The following AKR1C3 variants were observed in gnomAD, a reference collection of about 807,000 sequenced individuals.
The protein encoded by AKR1C3 is 3-alpha hydroxysteroid dehydrogenase, type II.
Under a neutral mutation model 43.6 loss-of-function variants are expected in AKR1C3, and 48 were observed. The observed-to-expected ratio is 1.10, with a 90% CI of 0.87 to 1.40. The LOEUF (loss-of-function observed/expected upper bound fraction) is 1.40. AKR1C3 is among the 40% of genes most tolerant of loss of function. The pLI is 0.00. For missense variants in AKR1C3, 482 were observed against 391.2 expected, an observed-to-expected ratio of 1.23 and a Z score of -1.96; for synonymous variants, 162 against 139.6, an observed-to-expected ratio of 1.16 and a Z score of -1.13.
At chr10:5,069,216 C>T (rs1450965747) in intron 1 of AKR1C3, among the ~76,000 whole-genome samples, 1 of 152,166 alleles carries the variant, frequency 6.6e-6, no homozygotes, top group Non-Finnish European at 1.5e-5. Context: ...TATTCTTTTG[C>T]AAGCATGTCT....
intron 1 of AKR1C3, among the ~76,000 whole-genome samples, chr10:5,073,287 ATTTTC>A (rs1341533794): frequency 6.6e-6 from 1 of 152,058 alleles, no homozygotes; most frequent in Non-Finnish European, 1.5e-5. Flanking sequence ...TAAGAAAATT[ATTTTC>A]TTTATTTTCT....
At chr10:5,058,394 T>C (rs576888859) in intron 1 of AKR1C3, among the ~76,000 whole-genome samples, 18 of 152,180 alleles carry the variant, frequency 1.2e-4, no homozygotes, top group East Asian at 1.9e-4. Flanking sequence ...AGAGAGAATA[T>C]TGGGGCCAAG....
At chr10:5,072,501 G>T (rs1937908) in intron 1 of AKR1C3, among the ~76,000 whole-genome samples, 2 of 152,020 alleles carry the variant, frequency 1.3e-5, no homozygotes, top group African/African-American at 4.8e-5. Flanking sequence ...ATGCATGTCA[G>T]TTTTTTGAAA....
intron 1 of AKR1C3, among the ~76,000 whole-genome samples, chr10:5,095,974 C>G (rs1226148605): frequency 1.3e-5 from 2 of 152,138 alleles, no homozygotes; most frequent in Non-Finnish European, 2.9e-5. Flanking sequence ...CTCTTGTAGA[C>G]AGCATTTCCC....
chr10:5,088,628 A>G (rs931331144), intron 1 of AKR1C3, among the ~76,000 whole-genome samples: 1 of 151,592 alleles, frequency 6.6e-6, no homozygotes, highest in Non-Finnish European at 1.5e-5. Context: ...TTTATCTAGT[A>G]TAAGAATGGC....
chr10:5,076,710 C>G (rs1358137950), intron 1 of AKR1C3, among the ~76,000 whole-genome samples: 3 of 152,074 alleles, frequency 2.0e-5, no homozygotes, highest in East Asian at 1.9e-4. Flanking sequence ...TTTCATGTGT[C>G]TCATTTTTAG....
At chr10:5,066,483 A>G (rs1325789984) in intron 1 of AKR1C3, among the ~76,000 whole-genome samples, 1 of 152,118 alleles carries the variant, frequency 6.6e-6, no homozygotes, top group Non-Finnish European at 1.5e-5. Context: ...AGCTCTTGTT[A>G]TTCCAGTCGA....
rs782804472 is a variant in AKR1C3, at chr10:5,102,659, C to A, written c.846+9C>A. 4.1e-6 allele frequency: 6 copies of A among 1,454,630 alleles called. No individual in the cohort carries two copies. The highest frequency in any genetic ancestry group is 1.5e-5 in the South Asian group (1 of 67,852). 90.1% of individuals were successfully genotyped at this position (1,454,630 alleles called of 1,614,324 possible). ...TCAGACAGAACGTGCAGGTGAGGAG[C>A]GGGGCTGTGGGCCTCAGGTCTCCTG... is the stretch of plus-strand genomic sequence containing the variant. On this transcript the variant is annotated intron_variant, in intron 7 of 8. Coordinates refer to ENST00000380554, the MANE Select transcript of AKR1C3 (RefSeq NM_003739.6).
At position 5,094,425 on chromosome 10, in the gene AKR1C3, A is replaced by G; in HGVS notation, c.-20A>G. 6.2e-7 allele frequency: 1 copy of G among 1,611,596 alleles called. No homozygotes were observed. The highest frequency in any genetic ancestry group is 8.5e-7 in the Non-Finnish European group (1 of 1,178,126). ...GGAGAAGCAGCAGCAAACATTTGCT[A>G]GTCAGACAAGTGACAGGGAATGGAT... On this transcript the variant is annotated 5_prime_UTR_variant, in exon 1 of 9. Coordinates refer to ENST00000380554, the MANE Select transcript of AKR1C3 (RefSeq NM_003739.6).
chr10:5,079,564 A>C (rs1473295892), intron 1 of AKR1C3, among the ~76,000 whole-genome samples: 2 of 151,806 alleles, frequency 1.3e-5, no homozygotes, highest in African/African-American at 4.8e-5. Context: ...TGAGATCCTA[A>C]TGCTTTAAAG....
chr10:5,092,927 G>T (rs1554784531), upstream of AKR1C3, among the ~76,000 whole-genome samples: 1 of 151,816 alleles, frequency 6.6e-6, no homozygotes, highest in Non-Finnish European at 1.5e-5. Flanking sequence ...ATATAGATTT[G>T]TTCTGTGTCA....
chr10:5,078,414 A>G (rs1838759985), intron 1 of AKR1C3, among the ~76,000 whole-genome samples: 6 of 152,256 alleles, frequency 3.9e-5, no homozygotes, highest in African/African-American at 1.4e-4. Context: ...ACTGCACTCC[A>G]GCCTGGTCAA....
rs183594903 is a variant in AKR1C3, at chr10:5,051,303, G to A, written c.84+2408G>A. Among the ~76,000 whole-genome samples the A allele has an allele frequency of 2.0e-5, 3 of 152,238 alleles. No individual in the cohort carries two copies. The East Asian group carries it at 5.8e-4, about 29-fold the overall frequency. ...GTAGAGACGGGGTTCCACCATGTTG[G>A]TCAGACTGGTCTCAAACTCCTGACC... is the stretch of plus-strand genomic sequence containing the variant. On this transcript the variant is annotated intron_variant, in intron 1 of 8. Coordinates refer to the AKR1C3 transcript ENST00000439082.
chr10:5,062,544 C>T (rs563405998), intron 1 of AKR1C3, among the ~76,000 whole-genome samples: 13 of 152,286 alleles, frequency 8.5e-5, no homozygotes, highest in African/African-American at 3.1e-4. Context: ...TAGCATGTCT[C>T]AAGCAAACCA....
chr10:5,081,183 G>A (rs998435935), intron 1 of AKR1C3, among the ~76,000 whole-genome samples: 2 of 152,084 alleles, frequency 1.3e-5, no homozygotes, highest in African/African-American at 2.4e-5. Context: ...TAGAAGTTAG[G>A]GCCTTGTAAT....
intron 1 of AKR1C3, among the ~76,000 whole-genome samples, chr10:5,069,156 T>C (rs782686803): frequency 9.8e-5 from 15 of 152,340 alleles, no homozygotes; most frequent in Admixed American, 5.9e-4. Context: ...TACCTTTCAT[T>C]TAACCAGTTT....
intron 8 of AKR1C3, 80 bp from the exon 9 acceptor site, chr10:5,107,381 G>C: frequency 2.0e-6 from 2 of 1,025,078 alleles, no homozygotes; most frequent in South Asian, 2.7e-5. Context: ...TCATACTAAT[G>C]ACAGCTTCAT....
chr10:5,060,365 T>C (rs1838356103), intron 1 of AKR1C3, among the ~76,000 whole-genome samples: 1 of 152,258 alleles, frequency 6.6e-6, no homozygotes. Flanking sequence ...GAGAGCTGAT[T>C]GGTCCGTTTT....
intron 1 of AKR1C3, among the ~76,000 whole-genome samples, chr10:5,068,813 A>G (rs782252530): frequency 6.6e-6 from 1 of 152,240 alleles, no homozygotes; most frequent in Non-Finnish European, 1.5e-5. Flanking sequence ...AGAAGCCCCC[A>G]GGGCCATCCC....
Sources: allele counts gnomAD v4.1 joint callset (sites outside exome capture counted in the v4.1 genomes callset), GRCh38; gene constraint gnomAD v4.1.1; transcripts MANE v1.5; gene names NCBI Gene and HGNC (gene_info 2026-07-23, HGNC 2026-07-21).